Variants in RABGAP1 observed in about 807,000 individuals in gnomAD.
The protein encoded by RABGAP1 is rab GTPase-activating protein 1.
Under a neutral mutation model 137.6 loss-of-function variants are expected in RABGAP1, and 23 were observed. The ratio of observed to expected loss-of-function variants is 0.17; its 90% CI spans 0.12 to 0.24. The LOEUF (loss-of-function observed/expected upper bound fraction) is 0.24. Among genes scored for constraint, RABGAP1 ranks in the 10% least tolerant of loss-of-function variants. The pLI is 1.00. For missense variants in RABGAP1, 906 were observed against 1,275.8 expected (o/e 0.71, Z 4.42); for synonymous variants, 451 against 450.7 (o/e 1.00, Z -0.01).
At chr9:123,100,684 G>T (rs1770860762) in intron 24 of RABGAP1, among the ~76,000 whole-genome samples, 1 of 152,140 alleles carries the variant, frequency 6.6e-6, no homozygotes, top group Admixed American at 6.5e-5. Flanking sequence ...CTCCCAAAGT[G>T]CTGGGATTAC....
chr9:122,941,367 G>A (rs1588141299), intron 1 of RABGAP1, among the ~76,000 whole-genome samples: 1 of 152,232 alleles, frequency 6.6e-6, no homozygotes, highest in African/African-American at 2.4e-5. Context: ...TGTGGGTGCC[G>A]GTCTTCTGAG....
At chr9:122,978,423 C>T (rs771581846) in intron 2 of RABGAP1, among the ~76,000 whole-genome samples, 2 of 152,062 alleles carry the variant, frequency 1.3e-5, no homozygotes, top group Non-Finnish European at 2.9e-5. Flanking sequence ...ATCTACTCAC[C>T]AGTGAATAAA....
At chr9:122,957,801 A>G (rs1362936448) in intron 2 of RABGAP1, among the ~76,000 whole-genome samples, 2 of 152,158 alleles carry the variant, frequency 1.3e-5, no homozygotes, top group African/African-American at 2.4e-5. Flanking sequence ...AGTAATGACT[A>G]TATGCCAATT....
At chr9:123,005,010 C>T (rs148489329) in intron 10 of RABGAP1, among the ~76,000 whole-genome samples, 7 of 137,406 alleles carry the variant, frequency 5.1e-5, no homozygotes, top group African/African-American at 1.9e-4. Flanking sequence ...GAGCCGAGAT[C>T]GCGCCATTGC....
rs1836262203 is a variant in RABGAP1 at position 122,984,530 on chromosome 9, G to A, written c.196G>A (p.Asp66Asn). ...SEQQLQKELA[D>N]VLMDPPMDDQ... ...ACAGCAGCTGCAAAAAGAGCTAGCA[G>A]ATGTACTGATGGATCCTCCAATGGA... The change falls in exon 3 of 26, where the codon GAT becomes AAT. Residue 66 changes from aspartate (D) to asparagine (N), a missense_variant. Asp to Asn is a conservative substitution (Grantham distance 23). Coordinates refer to ENST00000373647, the MANE Select transcript of RABGAP1 (RefSeq NM_012197.4). 1 of 1,614,076 alleles carries A rather than the reference G, an allele frequency of 6.2e-7. No individual in the cohort carries two copies. Among genetic ancestry groups the A allele is most frequent in the South Asian group, 1.1e-5 (1 of 91,086 alleles).
At chr9:123,026,471 C>T (rs559495766) in intron 13 of RABGAP1, among the ~76,000 whole-genome samples, 35 of 152,198 alleles carry the variant, frequency 2.3e-4, no homozygotes, top group Middle Eastern at 3.4e-3. Context: ...AATCTATCAA[C>T]ATGTGATAGA....
intron 14 of RABGAP1, 95 bp downstream of exon 14, chr9:123,065,556 G>C (rs1269410584): frequency 6.4e-6 from 6 of 943,846 alleles, no homozygotes; most frequent in Non-Finnish European, 1.0e-5. Context: ...ATTTGTATTT[G>C]ATGTTCAAGA....
At chr9:123,015,876 A>G (rs933200673) in intron 12 of RABGAP1, among the ~76,000 whole-genome samples, 2 of 152,234 alleles carry the variant, frequency 1.3e-5, no homozygotes, top group Non-Finnish European at 2.9e-5. Flanking sequence ...TGTGGAATTC[A>G]TGTACAGAAT....
intron 1 of RABGAP1, among the ~76,000 whole-genome samples, 158 bp downstream of exon 1, chr9:122,941,251 G>C (rs1464305255): frequency 3.3e-5 from 5 of 152,308 alleles, no homozygotes; most frequent in African/African-American, 1.2e-4. Flanking sequence ...CGAGTTCTGA[G>C]GGGAGCCGTG....
chr9:123,006,248 G>C (rs2030249196), intron 10 of RABGAP1, among the ~76,000 whole-genome samples: 1 of 152,098 alleles, frequency 6.6e-6, no homozygotes, highest in Non-Finnish European at 1.5e-5. Context: ...TGAGATCATA[G>C]TTAGAAAGGC....
chr9:123,096,138 A>G (rs1052692774), intron 21 of RABGAP1, among the ~76,000 whole-genome samples: 5 of 151,064 alleles, frequency 3.3e-5, no homozygotes, highest in African/African-American at 4.8e-5. Context: ...TCGCTTCCTG[A>G]GAGAGCACAG....
intron 19 of RABGAP1, among the ~76,000 whole-genome samples, chr9:123,085,661 C>T (rs1674111146): frequency 6.6e-6 from 1 of 152,162 alleles, no homozygotes; most frequent in African/African-American, 2.4e-5. Flanking sequence ...TCCCTTGCTT[C>T]CCGAATTCAA....
intron 21 of RABGAP1, among the ~76,000 whole-genome samples, chr9:123,094,456 C>T (rs991560034): frequency 6.6e-6 from 1 of 152,264 alleles, no homozygotes; most frequent in Admixed American, 6.5e-5. Context: ...TGGTATTTCT[C>T]CTTAATTTTG....
chr9:123,052,056 C>G (rs982649839), intron 13 of RABGAP1, among the ~76,000 whole-genome samples: 1 of 151,138 alleles, frequency 6.6e-6, no homozygotes, highest in South Asian at 2.1e-4. Flanking sequence ...CTGCCCATGT[C>G]GACCTCCCAA....
intron 19 of RABGAP1, 123 bp downstream of exon 19, chr9:123,076,885 T>G: frequency 5.6e-6 from 3 of 534,204 alleles, no homozygotes; most frequent in Non-Finnish European, 7.6e-6. Context: ...ATATTAGTGT[T>G]AACATTTATA....
chr9:122,944,289 G>A (rs572481009), intron 1 of RABGAP1, among the ~76,000 whole-genome samples: 32 of 151,422 alleles, frequency 2.1e-4, no homozygotes, highest in African/African-American at 7.5e-4. Flanking sequence ...GAGTGCAGTA[G>A]TGCTGTCGTA....
chr9:123,085,416 T>TA (rs1417942238), intron 19 of RABGAP1, among the ~76,000 whole-genome samples: 2 of 152,244 alleles, frequency 1.3e-5, no homozygotes, highest in Non-Finnish European at 2.9e-5. Flanking sequence ...ACCCCTGTGC[T>TA]AATACAGTGG....
chr9:122,957,899 T>G (rs377367368), intron 2 of RABGAP1, among the ~76,000 whole-genome samples: 1 of 149,628 alleles, frequency 6.7e-6, no homozygotes, highest in South Asian at 2.1e-4. Flanking sequence ...TTTTTTTTTT[T>G]AAGAATGAAT....
intron 13 of RABGAP1, chr9:123,034,190 T>A: frequency 4.2e-6 from 1 of 239,560 alleles, no homozygotes; most frequent in Non-Finnish European, 7.9e-6. Flanking sequence ...GGAGACTCAT[T>A]ACAACTCCTG....
Sources: allele counts gnomAD v4.1 joint callset (sites outside exome capture counted in the v4.1 genomes callset), GRCh38; gene constraint gnomAD v4.1.1; transcripts MANE v1.5; gene names NCBI Gene and HGNC (gene_info 2026-07-23, HGNC 2026-07-21).